COG5: variants seen among roughly 807,000 people sequenced by gnomAD.
The protein encoded by COG5 is conserved oligomeric Golgi complex subunit 5.
Under a neutral mutation model 110.4 loss-of-function variants are expected in COG5, and 86 were observed. The observed-to-expected ratio is 0.78, with a 90% CI of 0.65 to 0.93. The LOEUF (loss-of-function observed/expected upper bound fraction) is 0.93. Among genes scored for constraint, COG5 ranks in the 40% least tolerant of loss-of-function variants. COG5 has a pLI of 0.00. For missense variants in COG5, 1,077 were observed against 987.0 expected, an observed-to-expected ratio of 1.09 and a Z score of -1.22; for synonymous variants, 360 against 334.6, an observed-to-expected ratio of 1.08 and a Z score of -0.83.
At chr7:107,354,064 C>CTAAAGAG in intron 10 of COG5, among the ~76,000 whole-genome samples, 1 of 152,262 alleles carries the variant, frequency 6.6e-6, no homozygotes, top group East Asian at 1.9e-4. Context: ...ATTAATAATT[C>CTAAAGAG]TCACAAGACT....
chr7:107,380,476 G>T (rs931413201), intron 7 of COG5, among the ~76,000 whole-genome samples: 6 of 151,976 alleles, frequency 3.9e-5, no homozygotes, highest in Admixed American at 1.3e-4. Flanking sequence ...AATGATAAAG[G>T]GGAGATCACC....
At chr7:107,459,624 C>T (rs1795867323) in intron 6 of COG5, among the ~76,000 whole-genome samples, 1 of 151,752 alleles carries the variant, frequency 6.6e-6, no homozygotes. Context: ...AAGGAGACCC[C>T]ATATCTACTG....
intron 7 of COG5, among the ~76,000 whole-genome samples, chr7:107,408,668 A>G (rs765296435): frequency 1.6e-4 from 24 of 152,198 alleles, no homozygotes; most frequent in Non-Finnish European, 3.2e-4. Flanking sequence ...GATTTCTTCT[A>G]TCAGCTCTAA....
At chr7:107,542,881 G>T (rs1465090002) in intron 5 of COG5, among the ~76,000 whole-genome samples, 1 of 151,712 alleles carries the variant, frequency 6.6e-6, no homozygotes, top group African/African-American at 2.4e-5. Context: ...GCTAAGGCAG[G>T]AGAATCCTTG....
intron 10 of COG5, among the ~76,000 whole-genome samples, chr7:107,337,505 G>C (rs1278177504): frequency 6.6e-6 from 1 of 152,188 alleles, no homozygotes; most frequent in Non-Finnish European, 1.5e-5. Flanking sequence ...TGATGGAACT[G>C]CAAGTCATTA....
chr7:107,219,702 T>C (rs1035493956), intron 19 of COG5, among the ~76,000 whole-genome samples: 2 of 152,108 alleles, frequency 1.3e-5, no homozygotes, highest in African/African-American at 2.4e-5. Context: ...GGGGAGGTTT[T>C]AGTTAAAGGG....
rs1007202202 is a variant in COG5, at chr7:107,351,548, G to T, written c.1026+10485C>A. Among the ~76,000 whole-genome samples the T allele has an allele frequency of 5.6e-4, 85 of 152,170 alleles. 1 individual carries two copies. Among genetic ancestry groups the T allele is most frequent in the Admixed American group, 4.0e-3 (61 of 15,286 alleles). ...ACCTACAGAATGGGAGAAAATTTTT[G>T]CAACCTACTCATCTGACAAAGGGCT... On this transcript the variant is annotated intron_variant, in intron 10 of 21. Transcript: ENST00000297135.
intron 7 of COG5, among the ~76,000 whole-genome samples, chr7:107,404,259 AAATT>A (rs1791647858): frequency 1.3e-5 from 2 of 152,196 alleles, no homozygotes; most frequent in Non-Finnish European, 2.9e-5. Context: ...TTAATGTCAG[AAATT>A]AATTATTAAA....
At position 107,412,580 on chromosome 7, in the gene COG5, A is replaced by G; in HGVS notation, c.591T>C (p.Asp197=). 6.3e-7 allele frequency: 1 copy of G among 1,594,414 alleles called. No individual in the cohort carries two copies. The highest frequency in any genetic ancestry group is 8.6e-7 in the Non-Finnish European group (1 of 1,162,774). ...DLSGIEVIEN[D]LLFIARARLE... ...GTCGGGCTCTTGCAATAAAAAGTAGATCATTTTCTATCACTTCTATTCCAG... is the reference window on the plus strand; with the variant it reads ...GTCGGGCTCTTGCAATAAAAAGTAGGTCATTTTCTATCACTTCTATTCCAG... Residue 197 remains aspartate (D), a synonymous_variant, in exon 7 of 22, where the codon GAT becomes GAC. Transcript: ENST00000297135.
intron 6 of COG5, among the ~76,000 whole-genome samples, chr7:107,503,415 T>G (rs1439683332): frequency 6.6e-6 from 1 of 152,198 alleles, no homozygotes; most frequent in Admixed American, 6.5e-5. Flanking sequence ...CCTTGTAGTA[T>G]AACTAAGAGT....
chr7:107,317,548 T>C (rs527707507), intron 11 of COG5, among the ~76,000 whole-genome samples: 20 of 152,192 alleles, frequency 1.3e-4, no homozygotes, highest in African/African-American at 4.8e-4. Context: ...AATTTGAGGG[T>C]ATTAAGAAGA....
intron 6 of COG5, among the ~76,000 whole-genome samples, chr7:107,421,236 T>C (rs1472718492): frequency 6.6e-6 from 1 of 152,200 alleles, no homozygotes. Flanking sequence ...AGGTACTTTA[T>C]TGAATGCCTA....
chr7:107,227,103 G>T (rs1800398265), intron 19 of COG5, among the ~76,000 whole-genome samples: 1 of 152,194 alleles, frequency 6.6e-6, no homozygotes, highest in African/African-American at 2.4e-5. Context: ...AGCAACTAAA[G>T]TTCAAGAGTT....
intron 14 of COG5, among the ~76,000 whole-genome samples, chr7:107,274,628 A>C (rs1219850621): frequency 6.6e-6 from 1 of 152,108 alleles, no homozygotes; most frequent in Admixed American, 6.5e-5. Flanking sequence ...TTGTGAGTAA[A>C]CCCAGCCAAC....
chr7:107,401,523 A>G (rs1222657339), intron 7 of COG5, among the ~76,000 whole-genome samples: 1 of 152,198 alleles, frequency 6.6e-6, no homozygotes, highest in African/African-American at 2.4e-5. Context: ...ACAGACAAAT[A>G]TATGGTGAAA....
rs778152782 is a variant in COG5, at chr7:107,563,890, C to T, written c.7G>A (p.Gly3Ser). ...GCTACAGCGACGCTGCCGCCGCCAC[C>T]TTCCATGTTGGCAGGTGCCGGGTTG... ME[G>S]GGGSVAVAGL... Residue 3 changes from glycine (G) to serine (S), a missense_variant, in exon 1 of 22, where the codon GGT (glycine) becomes AGT (serine). By Grantham distance (56) the Gly-to-Ser change is moderately conservative. Coordinates refer to ENST00000297135, the MANE Select transcript of COG5 (RefSeq NM_006348.5). 4 of 1,613,782 alleles carry T rather than the reference C, an allele frequency of 2.5e-6. No homozygotes were observed. The highest frequency in any genetic ancestry group is 2.5e-6 in the Non-Finnish European group (3 of 1,179,958).
At chr7:107,280,463 A>G (rs1182662193) in intron 14 of COG5, among the ~76,000 whole-genome samples, 3 of 152,106 alleles carry the variant, frequency 2.0e-5, no homozygotes, top group Non-Finnish European at 2.9e-5. Flanking sequence ...TTGGATATAG[A>G]TAAAAGTAGA....
At chr7:107,219,147 A>G (rs1438132199) in intron 19 of COG5, among the ~76,000 whole-genome samples, 2 of 152,198 alleles carry the variant, frequency 1.3e-5, no homozygotes, top group Non-Finnish European at 2.9e-5. Context: ...ATGAGATATC[A>G]CCTCATGCCT....
At chr7:107,424,948 A>G (rs1284577268) in intron 6 of COG5, among the ~76,000 whole-genome samples, 1 of 152,196 alleles carries the variant, frequency 6.6e-6, no homozygotes, top group Non-Finnish European at 1.5e-5. Flanking sequence ...TAGGTGTTAT[A>G]ACTTAAGGGA....
Sources: allele counts gnomAD v4.1 joint callset (sites outside exome capture counted in the v4.1 genomes callset), GRCh38; gene constraint gnomAD v4.1.1; transcripts MANE v1.5; gene names NCBI Gene and HGNC (gene_info 2026-07-23, HGNC 2026-07-21).